EML6: variants seen among roughly 807,000 people sequenced by gnomAD.
EML6 encodes the protein echinoderm microtubule-associated protein-like 6.
EML6 carries 154 observed loss-of-function variants against 240.1 expected under a neutral mutation model. That is an observed-to-expected ratio of 0.64 (90% CI 0.56 to 0.73). The LOEUF is 0.73. Ranked by LOEUF, EML6 falls within the 30% of genes least tolerant of loss-of-function variation. The pLI is 0.00. For missense variants in EML6, 2,964 were observed against 2,474.6 expected, an observed-to-expected ratio of 1.20 and a Z score of -4.20; for synonymous variants, 1,148 against 899.0, an observed-to-expected ratio of 1.28 and a Z score of -4.95.
In EML6 at chr2:54,724,153, G is replaced by A. The variant is rs574438057; in HGVS notation, c.-514+376G>A. Among the ~76,000 whole-genome samples, 3 of 152,272 alleles carry A rather than the reference G, an allele frequency of 2.0e-5. No homozygotes were observed. The South Asian group carries it at 6.2e-4, about 32-fold the overall frequency. ...CTAGTGCCTCGTTTCTTCCGAGTAA[G>A]ACAATCTTTCATGATGCGGATTGGA... On this transcript the variant is annotated intron_variant, in intron 1 of 41. Coordinates refer to ENST00000356458, the MANE Select transcript of EML6 (RefSeq NM_001039753.4). This position sits in a 1 kb window ranked among gnomAD's most constrained non-coding sequence, Gnocchi z 5.2.
chr2:54,815,515 G>C (rs1033824477), intron 3 of EML6, among the ~76,000 whole-genome samples: 4 of 152,066 alleles, frequency 2.6e-5, no homozygotes, highest in African/African-American at 4.8e-5. Flanking sequence ...AGGAAATGTG[G>C]GTTTTACTTC....
chr2:54,862,781 A>G (rs1433876862), intron 12 of EML6, among the ~76,000 whole-genome samples: 3 of 152,250 alleles, frequency 2.0e-5, no homozygotes, highest in Admixed American at 2.0e-4. Flanking sequence ...GAATCATCAC[A>G]CATAAGGAAA....
chr2:54,756,979 C>T (rs771790815), intron 2 of EML6, among the ~76,000 whole-genome samples: 42 of 151,490 alleles, frequency 2.8e-4, no homozygotes, highest in Non-Finnish European at 4.3e-4. Flanking sequence ...TTTCTATTTT[C>T]TGGTAGATTT....
chr2:54,822,135 C>G (rs1211923962), intron 5 of EML6, among the ~76,000 whole-genome samples: 1 of 152,116 alleles, frequency 6.6e-6, no homozygotes, highest in African/African-American at 2.4e-5. Context: ...AATAGAAACA[C>G]TGTTGGCCAA....
chr2:54,808,774 CTT>C (rs1670633696), intron 2 of EML6, among the ~76,000 whole-genome samples: 1 of 152,100 alleles, frequency 6.6e-6, no homozygotes. Context: ...TGATTCTCAT[CTT>C]TTCTTTTTCA....
chr2:54,930,588 C>T (rs1260975342), intron 28 of EML6, among the ~76,000 whole-genome samples: 1 of 151,796 alleles, frequency 6.6e-6, no homozygotes, highest in East Asian at 1.9e-4. Context: ...CAGTAGTTTA[C>T]TGGCATTTAA....
At chr2:54,968,617 G>A in intron 40 of EML6, 51 bp from the exon 41 acceptor site, 5 of 1,059,976 alleles carry the variant, frequency 4.7e-6, no homozygotes, top group Non-Finnish European at 7.2e-6. Flanking sequence ...GTCTGTGGTT[G>A]CTGAGAGGAG....
chr2:54,836,448 T>TGA (rs1343487073), intron 7 of EML6, among the ~76,000 whole-genome samples: 1 of 152,222 alleles, frequency 6.6e-6, no homozygotes, highest in Non-Finnish European at 1.5e-5. Context: ...ATCTTTCCTA[T>TGA]GAATTCTGCT....
In EML6 at chr2:54,777,989, A is replaced by G. The variant is rs368258939; in HGVS notation, c.198-35243A>G. On this transcript the variant is annotated intron_variant, in intron 2 of 41. Transcript: ENST00000356458. Reference sequence around the variant, plus strand: ...AAGCTTGTAGAGAAACAAAAGATAAAGAAAAAATGTTCAGCTCTATAAAAG... The same window carrying G: ...AAGCTTGTAGAGAAACAAAAGATAAGGAAAAAATGTTCAGCTCTATAAAAG... 1.5e-4 allele frequency among the ~76,000 whole-genome samples: 23 copies of G among 152,374 alleles called. No individual in the cohort carries two copies. The East Asian group carries it at 3.7e-3, about 24-fold the overall frequency.
At chr2:54,899,871 G>A (rs1270195441) in intron 22 of EML6, 89 bp downstream of exon 22, 10 of 1,315,178 alleles carry the variant, frequency 7.6e-6, no homozygotes, top group Non-Finnish European at 9.4e-6. Context: ...TTTACTGAGG[G>A]CACGTGTTAT....
At position 54,971,084 on chromosome 2, in the gene EML6, C is replaced by G. The variant is rs138955082; in HGVS notation, c.*989C>G. On this transcript the variant is annotated 3_prime_UTR_variant, in exon 42 of 42. Coordinates refer to ENST00000356458, the MANE Select transcript of EML6 (RefSeq NM_001039753.4). ...TAAATGAGGGTAACCCAAGGCTGCA[C>G]CTTGGTGTACCACCCTGAGTGGAGT... 1 of 152,188 alleles carries G rather than the reference C, an allele frequency of 6.6e-6. No homozygotes were observed. The highest frequency in any genetic ancestry group is 1.5e-5 in the Non-Finnish European group (1 of 68,044). The allele number at this position is 152,188 out of a possible 1,614,324, so 9.4% of individuals were successfully genotyped here.
At chr2:54,751,334 T>A (rs1389416503) in intron 2 of EML6, among the ~76,000 whole-genome samples, 1 of 152,148 alleles carries the variant, frequency 6.6e-6, no homozygotes, top group Non-Finnish European at 1.5e-5. Flanking sequence ...AGCTTGGGCA[T>A]GAGCTTATCT....
intron 22 of EML6, among the ~76,000 whole-genome samples, chr2:54,900,118 C>T (rs1253474114): frequency 6.6e-6 from 1 of 152,210 alleles, no homozygotes; most frequent in Non-Finnish European, 1.5e-5. Context: ...TATTTTGTAA[C>T]AGTCTCCAGA....
At chr2:54,778,909 A>G (rs1034526393) in intron 2 of EML6, among the ~76,000 whole-genome samples, 4 of 151,382 alleles carry the variant, frequency 2.6e-5, no homozygotes, top group African/African-American at 7.3e-5. Context: ...AAAAAGAAAG[A>G]AAGAAAAGAA....
At chr2:54,806,612 C>CAAAAAAAAAAAAAAAAAAAAAAAAAA (rs58185994) in intron 2 of EML6, among the ~76,000 whole-genome samples, 10 of 52,864 alleles carry the variant, frequency 1.9e-4, no homozygotes, top group Non-Finnish European at 2.0e-4. Flanking sequence ...ACTCCGTCTC[C>CAAAAAAAAAAAAAAAAAAAAAAAAAA]AAAAAAAAAA....
intron 26 of EML6, among the ~76,000 whole-genome samples, chr2:54,924,857 C>G (rs1030134041): frequency 2.6e-5 from 4 of 152,156 alleles, no homozygotes; most frequent in African/African-American, 7.2e-5. Context: ...GCCACTGCAC[C>G]CAGCCTCTTC....
chr2:54,849,703 T>C (rs1425498063), intron 9 of EML6, among the ~76,000 whole-genome samples: 1 of 152,226 alleles, frequency 6.6e-6, no homozygotes, highest in African/African-American at 2.4e-5. Flanking sequence ...TTATCCAGGA[T>C]GGTCTCAATC....
At chr2:54,799,392 C>T (rs956257485) in intron 2 of EML6, among the ~76,000 whole-genome samples, 3 of 151,594 alleles carry the variant, frequency 2.0e-5, no homozygotes, top group African/African-American at 7.3e-5. Flanking sequence ...GATGGAGCCT[C>T]TGGTGTGTGG....
intron 10 of EML6, among the ~76,000 whole-genome samples, chr2:54,853,070 C>G (rs2103770333): frequency 6.6e-6 from 1 of 152,256 alleles, no homozygotes; most frequent in Non-Finnish European, 1.5e-5. Context: ...ATAATATTCA[C>G]TAATTTTTTT....
Sources: gnomAD v4.1 joint callset for allele counts (sites outside exome capture counted in the v4.1 genomes callset) on GRCh38, gnomAD v4.1.1 for gene constraint, Gnocchi (gnomAD v3.1) non-coding constraint, MANE v1.5 for transcripts, NCBI Gene and HGNC (gene_info 2026-07-23, HGNC 2026-07-21) for gene names.